PPP1R1C: variants seen among roughly 807,000 people sequenced by gnomAD.
PPP1R1C encodes protein phosphatase 1 regulatory inhibitor subunit 1C.
A neutral mutation model predicts 17.4 loss-of-function variants in PPP1R1C; 15 were observed. That is an observed-to-expected ratio of 0.86 (90% CI 0.58 to 1.33). The LOEUF (loss-of-function observed/expected upper bound fraction) is 1.33, where lower values mean the gene tolerates loss of function less well. Ranked by LOEUF, PPP1R1C falls within the 40% of genes most tolerant of loss-of-function variation. The pLI, the probability that PPP1R1C is intolerant of heterozygous loss-of-function variation, is 0.00. For missense variants in PPP1R1C, 143 were observed against 130.0 expected (o/e 1.10, Z -0.48); for synonymous variants, 35 against 43.1 (o/e 0.81, Z 0.73).
intron 4 of PPP1R1C, among the ~76,000 whole-genome samples, chr2:182,106,442 A>G (rs80273058): frequency 0.03 from 4,525 of 152,298 alleles, 111 homozygotes; most frequent in Admixed American, 0.064. Context: ...GTGGACACCA[A>G]GGGGAATTTG....
intron 2 of PPP1R1C, among the ~76,000 whole-genome samples, chr2:182,019,491 A>C (rs1686353819): frequency 6.6e-6 from 1 of 152,190 alleles, no homozygotes; most frequent in South Asian, 2.1e-4. Context: ...TGATGATACA[A>C]TGGTACTATG....
chr2:182,091,554 G>A (rs777298886), intron 4 of PPP1R1C, among the ~76,000 whole-genome samples: 1 of 152,004 alleles, frequency 6.6e-6, no homozygotes. Context: ...TTATTTGCTT[G>A]CTTATTTCTA....
intron 5 of PPP1R1C, among the ~76,000 whole-genome samples, chr2:182,125,596 G>T (rs1225034727): frequency 5.3e-5 from 8 of 152,020 alleles, no homozygotes; most frequent in Non-Finnish European, 1.0e-4. Context: ...TCTATTCGGG[G>T]ATTTGATTTC....
chr2:181,982,519 G>A (rs892117044), upstream of PPP1R1C, among the ~76,000 whole-genome samples: 1 of 152,144 alleles, frequency 6.6e-6, no homozygotes, highest in Non-Finnish European at 1.5e-5. Context: ...AAACACATAG[G>A]AAATTATTAT....
At chr2:182,105,247 G>A (rs574666756) in intron 4 of PPP1R1C, among the ~76,000 whole-genome samples, 4 of 152,258 alleles carry the variant, frequency 2.6e-5, no homozygotes, top group African/African-American at 4.8e-5. Context: ...GAAGATTTGA[G>A]GAGTGAATAG....
chr2:181,961,400 C>G lies in PPP1R1C; in HGVS notation n.111+6766C>G. 1 of 726,172 alleles carries G rather than the reference C, an allele frequency of 1.4e-6. No homozygotes were observed. The highest frequency in any genetic ancestry group is 2.5e-6 in the Non-Finnish European group (1 of 405,804). 45.0% of individuals were successfully genotyped at this position (726,172 alleles called of 1,614,324 possible). A position where few individuals can be genotyped will look rare whatever the true frequency, so the allele number is the denominator to read the frequency against. ...ATGTTCAGCAGAGCCTCGTACTCCC[C>G]GATCTGGTGCTGTCCCTCTGCCCGG... On this transcript the variant is annotated intron_variant and non_coding_transcript_variant, in intron 1 of 5. Coordinates refer to the PPP1R1C transcript ENST00000464264. The surrounding 1 kb of genome is among the most constrained non-coding windows in gnomAD (Gnocchi z 5.8).
At chr2:182,024,816 C>T (rs998750117) in intron 2 of PPP1R1C, among the ~76,000 whole-genome samples, 4 of 151,930 alleles carry the variant, frequency 2.6e-5, no homozygotes, top group Admixed American at 2.6e-4. Flanking sequence ...GATCATGCCA[C>T]TGCACTCCAG....
chr2:182,117,651 C>T lies in PPP1R1C; in HGVS notation c.*356C>T, dbSNP rs1185791893. Reference sequence around the variant, plus strand: ...CTAACAACACATGTAAATAACATCACTTTAAGAGTAAAAAATAAATAGTAA... The same window carrying T: ...CTAACAACACATGTAAATAACATCATTTTAAGAGTAAAAAATAAATAGTAA... On this transcript the variant is annotated 3_prime_UTR_variant, in exon 5 of 5. Coordinates refer to ENST00000682840, the MANE Select transcript of PPP1R1C (RefSeq NM_001080545.3). The T allele has an allele frequency of 3.3e-5, 6 of 179,642 alleles. No homozygotes were observed. Among genetic ancestry groups the T allele is most frequent in the Non-Finnish European group, 7.0e-5 (6 of 86,312 alleles). The allele number at this position is 179,642 out of a possible 1,614,324, so 11.1% of individuals were successfully genotyped here.
chr2:182,022,456 C>G (rs779483610), intron 2 of PPP1R1C, among the ~76,000 whole-genome samples: 1 of 152,174 alleles, frequency 6.6e-6, no homozygotes, highest in Non-Finnish European at 1.5e-5. Flanking sequence ...AGTAAATCTC[C>G]ATGCCATGAA....
At chr2:182,037,585 C>CAAAAAA (rs71008206) in intron 2 of PPP1R1C, among the ~76,000 whole-genome samples, 9 of 124,568 alleles carry the variant, frequency 7.2e-5, no homozygotes, top group African/African-American at 2.8e-4. Context: ...GAATCCATCT[C>CAAAAAA]AAAAAAAAAA....
chr2:181,971,357 A>C (rs1368575952), intron 1 of PPP1R1C, among the ~76,000 whole-genome samples: 1 of 152,142 alleles, frequency 6.6e-6, no homozygotes, highest in Non-Finnish European at 1.5e-5. Context: ...GTGTCTAGAA[A>C]TGTCCAGGAG....
At chr2:182,036,564 C>G (rs188579890) in intron 2 of PPP1R1C, among the ~76,000 whole-genome samples, 1 of 152,236 alleles carries the variant, frequency 6.6e-6, no homozygotes, top group East Asian at 1.9e-4. Flanking sequence ...AAAATAACTA[C>G]ATTTATCTAG....
intron 2 of PPP1R1C, among the ~76,000 whole-genome samples, chr2:182,038,017 T>C (rs914581455): frequency 6.6e-6 from 1 of 151,990 alleles, no homozygotes; most frequent in African/African-American, 2.4e-5. Context: ...AGGCAATTTC[T>C]ATTTATATTT....
At chr2:182,114,559 A>C (rs1049926979) in intron 4 of PPP1R1C, among the ~76,000 whole-genome samples, 1 of 152,172 alleles carries the variant, frequency 6.6e-6, no homozygotes, top group African/African-American at 2.4e-5. Context: ...TGACAGGAAA[A>C]GAGAGAGATT....
At chr2:182,079,529 ACTGT>A (rs1302543359) in intron 4 of PPP1R1C, among the ~76,000 whole-genome samples, 3 of 152,176 alleles carry the variant, frequency 2.0e-5, no homozygotes, top group Non-Finnish European at 4.4e-5. Context: ...GTTCCATTTA[ACTGT>A]CTGACCTTGA....
At chr2:181,958,389 C>G (rs1169312135) in intron 1 of PPP1R1C, among the ~76,000 whole-genome samples, 2 of 152,170 alleles carry the variant, frequency 1.3e-5, no homozygotes, top group African/African-American at 2.4e-5. Flanking sequence ...CAAGGACAGT[C>G]CCCTTGGTTT....
In PPP1R1C at chr2:181,967,025, CT is replaced by C. The variant is rs1448194705; in HGVS notation, n.112-8192del. On this transcript the variant is annotated intron_variant and non_coding_transcript_variant, in intron 1 of 5. Transcript: ENST00000464264. This position sits in a 1 kb window ranked among gnomAD's most constrained non-coding sequence, Gnocchi z 5.5. The stretch of plus-strand genomic sequence containing the variant: ...TTTTCAGGTTTTAAACTTCTTCAGT[CT>C]TGGTAGGTTGTAGGTGTCTAGGAAT... Among the ~76,000 whole-genome samples, 1 of 152,024 alleles carries C rather than the reference CT, an allele frequency of 6.6e-6. No individual in the cohort carries two copies. Among genetic ancestry groups the C allele is most frequent in the East Asian group, 1.9e-4 (1 of 5,198 alleles).
intron 4 of PPP1R1C, among the ~76,000 whole-genome samples, chr2:182,106,025 T>C (rs192007569): frequency 8.5e-5 from 13 of 152,338 alleles, no homozygotes; most frequent in Admixed American, 3.9e-4. Context: ...TAGTGTCTAG[T>C]AGCCTCAGAT....
chr2:182,066,934 C>A (rs1179942468), intron 4 of PPP1R1C, among the ~76,000 whole-genome samples: 1 of 145,944 alleles, frequency 6.9e-6, no homozygotes, highest in Admixed American at 6.9e-5. Flanking sequence ...CATTTCTATC[C>A]CAATTTTGTG....
Sources: allele counts gnomAD v4.1 joint callset (sites outside exome capture counted in the v4.1 genomes callset), GRCh38; gene constraint gnomAD v4.1.1; non-coding constraint Gnocchi (gnomAD v3.1); transcripts MANE v1.5; gene names NCBI Gene and HGNC (gene_info 2026-07-23, HGNC 2026-07-21).